ATXN2: variants seen among roughly 807,000 people sequenced by gnomAD.
ATXN2 encodes the protein ataxin-2.
A neutral mutation model predicts 138.6 loss-of-function variants in ATXN2; 37 were observed. The ratio of observed to expected loss-of-function variants is 0.27; its 90% CI spans 0.21 to 0.35. ATXN2 has a LOEUF of 0.35. ATXN2 is among the 10% of genes least tolerant of loss of function. ATXN2 has a pLI of 1.00. For synonymous variants in ATXN2, 549 were observed against 543.7 expected, an observed-to-expected ratio of 1.01 and a Z score of -0.13; for missense variants, 1,216 against 1,480.3, an observed-to-expected ratio of 0.82 and a Z score of 2.93.
At chr12:111,550,387 A>G (rs901118101) in intron 5 of ATXN2, among the ~76,000 whole-genome samples, 1 of 152,200 alleles carries the variant, frequency 6.6e-6, no homozygotes, top group African/African-American at 2.4e-5. Context: ...ATATCAATTC[A>G]TCATAAAAAC....
intron 5 of ATXN2, among the ~76,000 whole-genome samples, chr12:111,528,063 C>T (rs967262073): frequency 2.0e-5 from 3 of 152,172 alleles, no homozygotes; most frequent in Non-Finnish European, 2.9e-5. Context: ...CTGGAAGAAG[C>T]AACAGGACTG....
At chr12:111,585,826 A>C (rs921971571) in intron 1 of ATXN2, among the ~76,000 whole-genome samples, 2 of 147,550 alleles carry the variant, frequency 1.4e-5, no homozygotes, top group African/African-American at 5.3e-5. Flanking sequence ...AAAAAAAAAA[A>C]AAAACCTCCC....
chr12:111,530,901 G>A (rs755429979), intron 5 of ATXN2, among the ~76,000 whole-genome samples: 28 of 152,110 alleles, frequency 1.8e-4, no homozygotes, highest in Non-Finnish European at 3.4e-4. Flanking sequence ...CGAGGCGGGC[G>A]GATCACCTGA....
rs1193895425 is a variant in ATXN2, at chr12:111,488,508, T to C, written c.2208A>G (p.Lys736=). ...CGTCTTTCTTCTCTTCCTTATCGTC[T>C]TTCTCTTGTTTACATGCTGGGCTGG... ...QTSSPACKQE[K]DDKEEKKDAA... is the part of the protein sequence containing the mutation. Residue 736 remains lysine (K), a synonymous_variant, in exon 15 of 25, where the codon AAA becomes AAG. Transcript: ENST00000673436. 5 of 1,613,758 alleles carry C rather than the reference T, an allele frequency of 3.1e-6. No homozygotes were observed. Among genetic ancestry groups the C allele is most frequent in the South Asian group, 2.2e-5 (2 of 91,022 alleles).
At chr12:111,574,235 G>A (rs1487569633) in intron 1 of ATXN2, among the ~76,000 whole-genome samples, 2 of 143,312 alleles carry the variant, frequency 1.4e-5, no homozygotes, top group African/African-American at 5.2e-5. Flanking sequence ...GTGAACCCGA[G>A]AGGCAGAGCT....
chr12:111,583,245 C>G (rs1378770808), intron 1 of ATXN2, among the ~76,000 whole-genome samples: 1 of 151,906 alleles, frequency 6.6e-6, no homozygotes, highest in Non-Finnish European at 1.5e-5. Context: ...CCCGCCTCAG[C>G]CTCCCAAAGT....
chr12:111,595,784 A>G (rs1469790715), intron 1 of ATXN2, among the ~76,000 whole-genome samples: 1 of 151,944 alleles, frequency 6.6e-6, no homozygotes, highest in African/African-American at 2.4e-5. Context: ...GGTTGGGGGC[A>G]GTGGCTCATT....
chr12:111,477,290 T>C (rs1022381649), intron 18 of ATXN2, among the ~76,000 whole-genome samples: 2 of 151,184 alleles, frequency 1.3e-5, no homozygotes, highest in African/African-American at 2.4e-5. Flanking sequence ...GAAGTGGAGG[T>C]TGCAGTGAGC....
chr12:111,464,736 G>A (rs369447804), intron 20 of ATXN2, 21 bp from the exon 21 acceptor site: 3 of 1,598,166 alleles, frequency 1.9e-6, no homozygotes, highest in Middle Eastern at 1.7e-4. Context: ...GAAATAGAAA[G>A]GTAAATTAGC....
chr12:111,453,735 T>C lies in ATXN2; in HGVS notation c.3381A>G (p.Ala1127=). The C allele has an allele frequency of 6.2e-7, 1 of 1,613,968 alleles. No individual in the cohort carries two copies. Among genetic ancestry groups the C allele is most frequent in the South Asian group, 1.1e-5 (1 of 91,038 alleles). The change falls in exon 24 of 25, where the codon GCA becomes GCG. Residue 1127 remains alanine (A), a synonymous_variant. Coordinates refer to ENST00000673436, the MANE Select transcript of ATXN2 (RefSeq NM_001372574.1). The surrounding 1 kb of genome is among the most constrained non-coding windows in gnomAD (Gnocchi z 5.4). ...GGPQAALAQS[A]LQPIPVSTTA... ...TTGTCGAGACTGGAATGGGCTGTAG[T>C]GCACTTTGAGCGAGGGCGGCCTGGG... is the stretch of plus-strand genomic sequence containing the variant.
intron 1 of ATXN2, among the ~76,000 whole-genome samples, chr12:111,558,195 T>C (rs12304152): frequency 0.019 from 2,829 of 152,344 alleles, 90 homozygotes; most frequent in African/African-American, 0.063. Flanking sequence ...AACAGGAATG[T>C]TAGCATATCG....
At chr12:111,559,663 T>C (rs1205019127) in intron 1 of ATXN2, among the ~76,000 whole-genome samples, 1 of 150,866 alleles carries the variant, frequency 6.6e-6, no homozygotes, top group African/African-American at 2.4e-5. Flanking sequence ...TCCCAGATAT[T>C]TGGGGAGGCT....
intron 17 of ATXN2, 78 bp from the exon 18 acceptor site, chr12:111,485,409 T>A (rs1877569026): frequency 7.4e-7 from 1 of 1,358,016 alleles, no homozygotes; most frequent in Non-Finnish European, 1.0e-6. Flanking sequence ...TAGTTTTATA[T>A]TGCTAGAGAG....
intron 20 of ATXN2, among the ~76,000 whole-genome samples, chr12:111,465,767 C>CA (rs61456193): frequency 0.022 from 787 of 35,840 alleles, 24 homozygotes; most frequent in Non-Finnish European, 0.033. Context: ...GAGACTACCT[C>CA]AAAAAAAAAA....
At chr12:111,481,973 T>A (rs569181044) in intron 18 of ATXN2, among the ~76,000 whole-genome samples, 1 of 151,668 alleles carries the variant, frequency 6.6e-6, no homozygotes. Flanking sequence ...CATATGAAAA[T>A]TTGTACATGA....
chr12:111,470,849 T>C (rs1593105793), intron 18 of ATXN2, 107 bp from the exon 19 acceptor site: 1 of 1,158,290 alleles, frequency 8.6e-7, no homozygotes, highest in East Asian at 2.6e-5. Flanking sequence ...AATCTGCGTC[T>C]CTGATGCCAT....
chr12:111,534,383 T>TA (rs1245118569), intron 5 of ATXN2, among the ~76,000 whole-genome samples: 2 of 152,004 alleles, frequency 1.3e-5, no homozygotes, highest in Non-Finnish European at 2.9e-5. Context: ...ACCTCAGTGA[T>TA]AGAGTGAGAC....
intron 17 of ATXN2, 23 bp from the exon 18 acceptor site, chr12:111,485,354 T>A (rs1242952510): frequency 2.5e-6 from 4 of 1,573,100 alleles, no homozygotes; most frequent in Non-Finnish European, 3.5e-6. Context: ...AAAAAAAAAA[T>A]TAACATTAGG....
rs1385568549 is a variant in ATXN2, at chr12:111,470,553, C to T, written c.2709+5G>A. 21 of 1,613,700 alleles carry T rather than the reference C, an allele frequency of 1.3e-5. No individual in the cohort carries two copies. The highest frequency in any genetic ancestry group is 1.7e-5 in the Non-Finnish European group (20 of 1,179,706). On this transcript the variant is annotated splice_donor_5th_base_variant and intron_variant, in intron 19 of 24. Coordinates refer to ENST00000673436, the MANE Select transcript of ATXN2 (RefSeq NM_001372574.1). Reference sequence around the variant, plus strand: ...AAATTAAGAGTTAGGCCTTACCAGCCTTACCTGAGACTGATAATGTGGCAC... The same window carrying T: ...AAATTAAGAGTTAGGCCTTACCAGCTTTACCTGAGACTGATAATGTGGCAC...
Sources: allele counts gnomAD v4.1 joint callset (sites outside exome capture counted in the v4.1 genomes callset), GRCh38; gene constraint gnomAD v4.1.1; non-coding constraint Gnocchi (gnomAD v3.1); transcripts MANE v1.5; gene names NCBI Gene and HGNC (gene_info 2026-07-23, HGNC 2026-07-21).